RIMBP2: variants seen among roughly 807,000 people sequenced by gnomAD.
The protein encoded by RIMBP2 is RIMS binding protein 2.
RIMBP2 carries 48 observed loss-of-function variants against 118.6 expected under a neutral mutation model. That is an observed-to-expected ratio of 0.40 (90% CI 0.32 to 0.51). RIMBP2 has a LOEUF of 0.51. Ranked by LOEUF, RIMBP2 falls within the 20% of genes least tolerant of loss-of-function variation. The probability of loss-of-function intolerance (pLI) is 0.41; values close to 1 mark genes in which losing one functional copy is unlikely to be tolerated. For missense variants in RIMBP2, 1,551 were observed against 1,768.3 expected (o/e 0.88, Z 2.20); for synonymous variants, 762 against 742.9 (o/e 1.03, Z -0.42).
At chr12:130,706,038 A>G (rs2632608) in intron 1 of RIMBP2, among the ~76,000 whole-genome samples, 85,721 of 152,212 alleles carry the variant, frequency 0.56, 27,602 homozygotes, top group Non-Finnish European at 0.74. Flanking sequence ...TTCTGGGACT[A>G]TCTGTATTAT....
At chr12:130,548,395 T>C (rs2055379248) in intron 2 of RIMBP2, among the ~76,000 whole-genome samples, 1 of 152,202 alleles carries the variant, frequency 6.6e-6, no homozygotes, top group Non-Finnish European at 1.5e-5. Context: ...TTTATTTCCA[T>C]GCCTTCCACT....
At chr12:130,615,758 TAGGAG>T (rs1399673057) in intron 2 of RIMBP2, among the ~76,000 whole-genome samples, 1 of 152,020 alleles carries the variant, frequency 6.6e-6, no homozygotes, top group Non-Finnish European at 1.5e-5. Context: ...GTATAAGAAT[TAGGAG>T]AGGAGAATTA....
chr12:130,640,625 T>C (rs994006830), intron 1 of RIMBP2, among the ~76,000 whole-genome samples: 1 of 152,220 alleles, frequency 6.6e-6, no homozygotes. Context: ...GGCACTGTGA[T>C]GACCTGCGCT....
intron 1 of RIMBP2, among the ~76,000 whole-genome samples, chr12:130,643,226 G>A (rs1332502838): frequency 6.6e-6 from 1 of 152,196 alleles, no homozygotes; most frequent in Non-Finnish European, 1.5e-5. Flanking sequence ...GTGGAACGCA[G>A]GGAGCTCACA....
chr12:130,535,754 T>TAC lies in RIMBP2; in HGVS notation c.-216-17838_-216-17837insGT, dbSNP rs1363224395. On this transcript the variant is annotated intron_variant, in intron 2 of 22. Transcript: ENST00000690449. ...ATATATATACATATATATATATATA[T>TAC]ATATATATATATATATATATATATA... Among the ~76,000 whole-genome samples, 11 of 37,914 alleles carry TAC rather than the reference T, an allele frequency of 2.9e-4. No individual in the cohort carries two copies. The East Asian group carries it at 7.8e-3, about 27-fold the overall frequency. 24.9% of individuals were successfully genotyped at this position (37,914 alleles called of 152,430 possible). A position where few individuals can be genotyped will look rare whatever the true frequency, so the allele number is the denominator to read the frequency against.
chr12:130,565,143 G>T (rs963219075), intron 2 of RIMBP2, among the ~76,000 whole-genome samples: 2 of 151,838 alleles, frequency 1.3e-5, no homozygotes, highest in Admixed American at 1.3e-4. Flanking sequence ...TTATTTTTTT[G>T]AGAACTCTGT....
At chr12:130,414,035 TA>T in intron 18 of RIMBP2, 89 bp downstream of exon 18, 1 of 1,379,334 alleles carries the variant, frequency 7.2e-7, no homozygotes, top group Non-Finnish European at 1.0e-6. Flanking sequence ...AGGCCATCTC[TA>T]AGTCGATACC....
intron 1 of RIMBP2, among the ~76,000 whole-genome samples, chr12:130,646,672 C>T (rs2062992793): frequency 6.6e-6 from 1 of 152,194 alleles, no homozygotes; most frequent in Non-Finnish European, 1.5e-5. Context: ...AAAAGAGAAG[C>T]CCTATCTAAA....
rs76292324 is a variant in RIMBP2 at position 130,663,065 on chromosome 12, C to T, written c.-351-34609G>A. Among the ~76,000 whole-genome samples the T allele has an allele frequency of 6.9e-3, 1,045 of 152,284 alleles. 14 individuals carry two copies. Among genetic ancestry groups the T allele is most frequent in the African/African-American group, 0.023 (974 of 41,562 alleles). ...TTTAAACCATCCCAGGTGGTTCCCA[C>T]GTGCGGCCAAGTTTGGCTCTAACAC... On this transcript the variant is annotated intron_variant, in intron 1 of 22. Coordinates refer to ENST00000690449, the MANE Select transcript of RIMBP2 (RefSeq NM_001393629.1).
intron 2 of RIMBP2, among the ~76,000 whole-genome samples, chr12:130,563,858 A>G (rs2056999665): frequency 6.6e-6 from 1 of 152,142 alleles, no homozygotes; most frequent in South Asian, 2.1e-4. Flanking sequence ...TTCCATCTAA[A>G]ATCCTGCAGT....
intron 2 of RIMBP2, among the ~76,000 whole-genome samples, chr12:130,522,492 G>C (rs1456118177): frequency 6.6e-6 from 1 of 152,178 alleles, no homozygotes; most frequent in African/African-American, 2.4e-5. Flanking sequence ...TGGGACACTG[G>C]GTTTCCATCC....
chr12:130,609,247 C>CG (rs1400521404), intron 2 of RIMBP2, among the ~76,000 whole-genome samples: 1 of 152,056 alleles, frequency 6.6e-6, no homozygotes, highest in Non-Finnish European at 1.5e-5. Context: ...TCTGCCCCCC[C>CG]ACGTTTATAC....
chr12:130,494,203 C>A lies in RIMBP2; in HGVS notation c.-4+12445G>T, dbSNP rs188443645. 2.7e-3 allele frequency among the ~76,000 whole-genome samples: 404 copies of A among 152,196 alleles called. 1 individual carries two copies. The highest frequency in any genetic ancestry group is 5.0e-3 in the Non-Finnish European group (342 of 67,996). On this transcript the variant is annotated intron_variant, in intron 4 of 22. Coordinates refer to ENST00000690449, the MANE Select transcript of RIMBP2 (RefSeq NM_001393629.1). ...GACAGAGCGGTTCAGAAGGACAGAC[C>A]CCGCCCTGGCCCTCCTGGAGCCCAC...
At chr12:130,405,771 T>TGTTTG (rs1358370070) in intron 21 of RIMBP2, among the ~76,000 whole-genome samples, 1 of 151,696 alleles carries the variant, frequency 6.6e-6, no homozygotes, top group Non-Finnish European at 1.5e-5. Flanking sequence ...TTTAGGTTTT[T>TGTTTG]GTTTTGTTTT....
chr12:130,427,912 C>T lies in RIMBP2; in HGVS notation c.2412+267G>A, dbSNP rs1317154050. ...TTGTTCTATTCCCCCCACTTCAGTT[C>T]CTGGCACAGAGCTGGGTGCCCCCTG... On this transcript the variant is annotated intron_variant, in intron 15 of 22. Coordinates refer to ENST00000690449, the MANE Select transcript of RIMBP2 (RefSeq NM_001393629.1). 11 of 345,462 alleles carry T rather than the reference C, an allele frequency of 3.2e-5. No homozygotes were observed. The East Asian group carries it at 4.8e-4, about 15-fold the overall frequency. The allele number at this position is 345,462 out of a possible 1,614,324, so 21.4% of individuals were successfully genotyped here.
At chr12:130,704,347 A>T (rs2065995142) in intron 1 of RIMBP2, among the ~76,000 whole-genome samples, 1 of 152,220 alleles carries the variant, frequency 6.6e-6, no homozygotes, top group East Asian at 1.9e-4. Context: ...AGGCCAAAGC[A>T]GGTGGATCAC....
chr12:130,460,077 T>C (rs889808616), intron 6 of RIMBP2, among the ~76,000 whole-genome samples: 3 of 152,146 alleles, frequency 2.0e-5, no homozygotes, highest in Non-Finnish European at 4.4e-5. Flanking sequence ...GTCACCTCTG[T>C]CCAAGGGAGA....
intron 7 of RIMBP2, 151 bp downstream of exon 7, chr12:130,456,345 C>T (rs1483207613): frequency 8.1e-6 from 5 of 616,248 alleles, no homozygotes; most frequent in Non-Finnish European, 1.4e-5. Flanking sequence ...CGGCTGTGAG[C>T]AGCCCTGTTC....
At chr12:130,662,506 A>C (rs2136356499) in intron 1 of RIMBP2, among the ~76,000 whole-genome samples, 1 of 152,054 alleles carries the variant, frequency 6.6e-6, no homozygotes, top group East Asian at 1.9e-4. Flanking sequence ...AAATTCAAAA[A>C]CTAGCTGGGC....
Sources: allele counts gnomAD v4.1 joint callset (sites outside exome capture counted in the v4.1 genomes callset), GRCh38; gene constraint gnomAD v4.1.1; transcripts MANE v1.5; gene names NCBI Gene and HGNC (gene_info 2026-07-23, HGNC 2026-07-21).